The following KDM2B variants were observed in gnomAD, a reference collection of about 807,000 sequenced individuals.
The protein encoded by KDM2B is lysine-specific demethylase 2B.
KDM2B carries 26 observed loss-of-function variants against 150.0 expected under a neutral mutation model. That is an observed-to-expected ratio of 0.17 (90% CI 0.13 to 0.24). The LOEUF (loss-of-function observed/expected upper bound fraction) is 0.24, where lower values mean the gene tolerates loss of function less well. KDM2B is among the 10% of genes least tolerant of loss of function. The pLI is 1.00. For missense variants in KDM2B, 1,265 were observed against 1,816.9 expected, an observed-to-expected ratio of 0.70 and a Z score of 5.52; for synonymous variants, 734 against 729.5, an observed-to-expected ratio of 1.01 and a Z score of -0.10.
intron 13 of KDM2B, among the ~76,000 whole-genome samples, chr12:121,445,759 C>A (rs782331917): frequency 3.0e-4 from 46 of 152,038 alleles, no homozygotes; most frequent in Non-Finnish European, 1.0e-4. Flanking sequence ...GAGTGAGGGG[C>A]AGAAGGGGGG....
Position 121,520,739 on chromosome 12 carries a change from A to G in KDM2B, c.1047+246T>C, listed in dbSNP as rs1435010654. Among the ~76,000 whole-genome samples the G allele has an allele frequency of 6.6e-6, 1 of 152,076 alleles. No homozygotes were observed. The highest frequency in any genetic ancestry group is 2.4e-5 in the African/African-American group (1 of 41,416). Reference sequence around the variant, plus strand: ...TCTCAGAGACACTTCCTCTTCCACAAGGGGGTTTTGGCTGCCCCCAACCTG... The same window carrying G: ...TCTCAGAGACACTTCCTCTTCCACAGGGGGGTTTTGGCTGCCCCCAACCTG... On this transcript the variant is annotated intron_variant, in intron 9 of 22. Transcript: ENST00000377071. The surrounding 1 kb of genome is among the most constrained non-coding windows in gnomAD (Gnocchi z 4.5).
At chr12:121,416,399 A>C in the KDM2B span, 1 of 1,456,312 alleles carries the variant, frequency 6.9e-7, no homozygotes, top group South Asian at 1.1e-5. Flanking sequence ...GAAATGTTAC[A>C]TAACAACACA....
rs1420660489 is a variant in KDM2B at position 121,521,279 on chromosome 12, G to A, written c.932-179C>T. 1.3e-5 allele frequency among the ~76,000 whole-genome samples: 2 copies of A among 152,148 alleles called. No individual in the cohort carries two copies. The highest frequency in any genetic ancestry group is 1.3e-4 in the Admixed American group (2 of 15,282). ...GCTGCACAACGCCCAGGCCTGAGCC[G>A]CCGAGAGGACTCAGACTTGCAGCCT... On this transcript the variant is annotated intron_variant, in intron 8 of 22. Transcript: ENST00000377071. The surrounding 1 kb of genome is among the most constrained non-coding windows in gnomAD (Gnocchi z 4.9).
At chr12:121,478,714 G>T (rs541241540) in intron 12 of KDM2B, among the ~76,000 whole-genome samples, 102 of 151,082 alleles carry the variant, frequency 6.8e-4, no homozygotes, top group Non-Finnish European at 1.3e-3. Flanking sequence ...TGAACACAGG[G>T]TCTCACTCTG....
chr12:121,569,015 C>A (rs1232597654), intron 4 of KDM2B, among the ~76,000 whole-genome samples: 1 of 152,198 alleles, frequency 6.6e-6, no homozygotes, highest in African/African-American at 2.4e-5. Flanking sequence ...ACGGCCACGT[C>A]CCGTGGTGCA....
At chr12:121,569,046 C>T (rs1555315515) in intron 4 of KDM2B, among the ~76,000 whole-genome samples, 1 of 152,200 alleles carries the variant, frequency 6.6e-6, no homozygotes, top group East Asian at 1.9e-4. Context: ...CAAGGTAAGA[C>T]ACTGGAAGAC....
downstream of KDM2B, among the ~76,000 whole-genome samples, chr12:121,428,671 G>A (rs782161084): frequency 7.9e-5 from 12 of 151,960 alleles, no homozygotes; most frequent in Non-Finnish European, 1.5e-4. Flanking sequence ...ATATGACATC[G>A]CCAGCAGGGT....
chr12:121,477,805 T>A (rs1448279801), intron 12 of KDM2B, among the ~76,000 whole-genome samples: 2 of 152,156 alleles, frequency 1.3e-5, no homozygotes, highest in Non-Finnish European at 2.9e-5. Context: ...CTCAAACTCT[T>A]GACCTCGGGT....
intron 12 of KDM2B, among the ~76,000 whole-genome samples, chr12:121,471,172 G>A (rs1880732276): frequency 6.6e-6 from 1 of 152,126 alleles, no homozygotes; most frequent in Non-Finnish European, 1.5e-5. Flanking sequence ...TGTACACTGT[G>A]CTTTTGGGTG....
chr12:121,533,728 T>C lies in KDM2B; in HGVS notation c.777+769A>G, dbSNP rs1441837102. Among the ~76,000 whole-genome samples, 1 of 151,604 alleles carries C rather than the reference T, an allele frequency of 6.6e-6. No homozygotes were observed. Among genetic ancestry groups the C allele is most frequent in the East Asian group, 1.9e-4 (1 of 5,178 alleles). ...AAGGAGCTTTGAACACCAGACTGGG[T>C]GAGTGGAGCAGGCCTGCATGGGTGA... On this transcript the variant is annotated intron_variant, in intron 7 of 22. Transcript: ENST00000377071. This position sits in a 1 kb window ranked among gnomAD's most constrained non-coding sequence, Gnocchi z 4.1.
chr12:121,580,022 ATCT>A (rs1555317664), intron 1 of KDM2B: 8 of 1,597,526 alleles, frequency 5.0e-6, no homozygotes, highest in Non-Finnish European at 6.8e-6. Flanking sequence ...CTACACACCA[ATCT>A]TCTTCCAGAG....
chr12:121,563,909 A>T (rs79652956), intron 4 of KDM2B, among the ~76,000 whole-genome samples: 4,288 of 151,268 alleles, frequency 0.028, 180 homozygotes, highest in East Asian at 0.11. Flanking sequence ...AAAAAAAATT[A>T]AAAAAAAAGA....
chr12:121,471,783 T>C (rs1191575194), intron 12 of KDM2B, among the ~76,000 whole-genome samples: 1 of 152,146 alleles, frequency 6.6e-6, no homozygotes, highest in Non-Finnish European at 1.5e-5. Context: ...ATCCTTTTAA[T>C]GTTGAGACCA....
the KDM2B span, chr12:121,409,640 G>A: frequency 6.6e-6 from 1 of 152,188 alleles, no homozygotes; most frequent in Non-Finnish European, 1.5e-5. Context: ...CTCTGGGCCT[G>A]GGACCCCAGG....
chr12:121,424,026 A>C, the KDM2B span: 2 of 154,960 alleles, frequency 1.3e-5, no homozygotes, highest in East Asian at 1.9e-4. Flanking sequence ...CTGAATGTTC[A>C]CTTTATTAGT....
chr12:121,504,603 G>A (rs1476096130), intron 11 of KDM2B, among the ~76,000 whole-genome samples: 1 of 152,196 alleles, frequency 6.6e-6, no homozygotes, highest in Non-Finnish European at 1.5e-5. Flanking sequence ...ACAGAAAGCA[G>A]ATTCGCAGTG....
upstream of KDM2B, among the ~76,000 whole-genome samples, chr12:121,581,507 AC>A (rs1274402943): frequency 3.2e-4 from 49 of 152,300 alleles, no homozygotes; most frequent in African/African-American, 1.2e-3. Context: ...AGTCAGGTCG[AC>A]TTGGCTTGAG....
chr12:121,461,856 A>G (rs1355147607), intron 12 of KDM2B, among the ~76,000 whole-genome samples: 2 of 152,220 alleles, frequency 1.3e-5, no homozygotes, highest in Non-Finnish European at 2.9e-5. Context: ...CAGTCCCTTC[A>G]AGACTGAAAA....
intron 12 of KDM2B, among the ~76,000 whole-genome samples, chr12:121,477,022 C>T (rs782699617): frequency 2.0e-5 from 3 of 152,162 alleles, no homozygotes; most frequent in Non-Finnish European, 2.9e-5. Context: ...CTAATTCACA[C>T]GGAATGACAT....
Sources: allele counts gnomAD v4.1 joint callset (sites outside exome capture counted in the v4.1 genomes callset), GRCh38; gene constraint gnomAD v4.1.1; non-coding constraint Gnocchi (gnomAD v3.1); transcripts MANE v1.5; gene names NCBI Gene and HGNC (gene_info 2026-07-23, HGNC 2026-07-21).